The following PIK3C2G variants were observed in gnomAD, a reference collection of about 807,000 sequenced individuals.
The protein encoded by PIK3C2G is phosphatidylinositol 3-kinase C2 domain-containing subunit gamma.
Under a neutral mutation model 181.1 loss-of-function variants are expected in PIK3C2G, and 168 were observed. That is an observed-to-expected ratio of 0.93 (90% CI 0.82 to 1.05). The LOEUF is 1.05. Among genes scored for constraint, PIK3C2G ranks in the 50% least tolerant of loss-of-function variants. The pLI is 0.00. For missense variants in PIK3C2G, 1,869 were observed against 1,732.8 expected (o/e 1.08, Z -1.40); for synonymous variants, 573 against 592.2 (o/e 0.97, Z 0.47).
At chr12:18,309,128 G>A (rs1207201529) in intron 5 of PIK3C2G, among the ~76,000 whole-genome samples, 1 of 92,626 alleles carries the variant, frequency 1.1e-5, no homozygotes, top group African/African-American at 3.5e-5. Context: ...GATACAATGT[G>A]GAATATAAAA....
intron 16 of PIK3C2G, among the ~76,000 whole-genome samples, chr12:18,412,655 A>C (rs747124429): frequency 6.2e-4 from 94 of 152,226 alleles, no homozygotes; most frequent in Non-Finnish European, 3.4e-4. Context: ...GAATTGATAA[A>C]TATTTCTTAA....
the PIK3C2G span, among the ~76,000 whole-genome samples, chr12:18,711,531 T>TAATAAC: frequency 4.9e-3 from 712 of 145,348 alleles, 2 homozygotes; most frequent in African/African-American, 0.017. Flanking sequence ...ACTTAAAGTA[T>TAATAAC]AATAATAATA....
At chr12:18,656,440 C>T in the PIK3C2G span, among the ~76,000 whole-genome samples, 3 of 152,116 alleles carry the variant, frequency 2.0e-5, no homozygotes, top group East Asian at 5.8e-4. Context: ...GTGGCGGGCG[C>T]CTGTAATCCC....
intron 15 of PIK3C2G, among the ~76,000 whole-genome samples, chr12:18,393,903 G>C (rs1943700292): frequency 6.6e-6 from 1 of 152,096 alleles, no homozygotes; most frequent in Admixed American, 6.6e-5. Flanking sequence ...GTGATGCTGA[G>C]GCAGCTGGCA....
intron 27 of PIK3C2G, 68 bp downstream of exon 27, chr12:18,562,960 G>T: frequency 1.0e-6 from 1 of 1,003,420 alleles, no homozygotes; most frequent in Non-Finnish European, 1.5e-6. Context: ...TCTTCACTAT[G>T]CTACACAGCC....
At chr12:18,438,332 TTCTC>T (rs1195479127) in intron 18 of PIK3C2G, among the ~76,000 whole-genome samples, 1 of 151,850 alleles carries the variant, frequency 6.6e-6, no homozygotes, top group Non-Finnish European at 1.5e-5. Flanking sequence ...TTGCTGTTCT[TTCTC>T]TGCTATAAAG....
chr12:18,532,414 A>T (rs1199760151), intron 24 of PIK3C2G, among the ~76,000 whole-genome samples: 1 of 152,090 alleles, frequency 6.6e-6, no homozygotes, highest in Non-Finnish European at 1.5e-5. Context: ...AATGTAAAAG[A>T]CTTTCTCCTT....
chr12:18,319,932 A>T (rs1018493916), intron 6 of PIK3C2G: 10 of 152,176 alleles, frequency 6.6e-5, no homozygotes, highest in Admixed American at 2.6e-4. Flanking sequence ...GTCATTCTAC[A>T]TAGTGTTTCT....
Position 18,560,371 on chromosome 12 carries a change from A to G in PIK3C2G, c.3591-2332A>G, listed in dbSNP as rs144917796. ...CATGCCCACCAAAAAGATAAACTGT[A>G]TCCTTATATTTAATTGAGATAAAAG... is the stretch of plus-strand genomic sequence containing the variant. On this transcript the variant is annotated intron_variant, in intron 26 of 32. Transcript: ENST00000538779. Among the ~76,000 whole-genome samples the G allele has an allele frequency of 3.3e-5, 5 of 152,282 alleles. No individual in the cohort carries two copies. In the East Asian group the frequency reaches 9.6e-4, roughly 29 times the overall value.
At chr12:18,267,285 A>G (rs1948542649) in intron 1 of PIK3C2G, among the ~76,000 whole-genome samples, 1 of 151,908 alleles carries the variant, frequency 6.6e-6, no homozygotes, top group Admixed American at 6.6e-5. Flanking sequence ...TCTCTCTCTT[A>G]CCCAATTTCT....
At chr12:18,299,061 G>C (rs540555684) in intron 5 of PIK3C2G, among the ~76,000 whole-genome samples, 7 of 151,824 alleles carry the variant, frequency 4.6e-5, no homozygotes, top group Admixed American at 1.3e-4. Flanking sequence ...CAAATTTTTG[G>C]ATTCTTTTTC....
intron 11 of PIK3C2G, among the ~76,000 whole-genome samples, 194 bp from the exon 12 acceptor site, chr12:18,362,570 G>T (rs1046101067): frequency 1.3e-5 from 2 of 152,168 alleles, no homozygotes; most frequent in African/African-American, 4.8e-5. Flanking sequence ...AATAAAGGAA[G>T]GTCTTAGGGC....
At chr12:18,683,082 T>A in the PIK3C2G span, 7 of 693,896 alleles carry the variant, frequency 1.0e-5, no homozygotes, top group Non-Finnish European at 1.7e-5. Flanking sequence ...TTTCTTCCAC[T>A]GATTTATTTT....
chr12:18,299,698 G>C (rs1444842994), intron 5 of PIK3C2G, among the ~76,000 whole-genome samples: 1 of 151,658 alleles, frequency 6.6e-6, no homozygotes, highest in Non-Finnish European at 1.5e-5. Flanking sequence ...ATTATGTTGA[G>C]GTATGTTATA....
intron 4 of PIK3C2G, among the ~76,000 whole-genome samples, chr12:18,291,426 C>CT: frequency 6.6e-6 from 1 of 152,222 alleles, no homozygotes; most frequent in Admixed American, 6.5e-5. Flanking sequence ...CACAGAATCT[C>CT]TATTTCCTTA....
upstream of PIK3C2G, among the ~76,000 whole-genome samples, chr12:18,245,984 G>A (rs1382629821): frequency 1.3e-5 from 2 of 152,024 alleles, no homozygotes; most frequent in African/African-American, 4.8e-5. Flanking sequence ...AAAATTTTTG[G>A]TAGCTTATCA....
intron 24 of PIK3C2G, among the ~76,000 whole-genome samples, chr12:18,537,045 T>C (rs1166408313): frequency 2.0e-5 from 3 of 152,004 alleles, no homozygotes; most frequent in African/African-American, 7.2e-5. Context: ...ATTTTAAAGA[T>C]TTTGCCTGCA....
intron 14 of PIK3C2G, among the ~76,000 whole-genome samples, chr12:18,385,068 A>G (rs887264961): frequency 3.3e-5 from 5 of 152,170 alleles, no homozygotes; most frequent in African/African-American, 4.8e-5. Flanking sequence ...GGGAGTTAGT[A>G]TGAGTCTCGG....
intron 18 of PIK3C2G, among the ~76,000 whole-genome samples, chr12:18,438,767 A>G (rs1360540185): frequency 6.6e-6 from 1 of 151,912 alleles, no homozygotes; most frequent in African/African-American, 2.4e-5. Flanking sequence ...TTGAAGAAAA[A>G]TTTCAACTCA....
Sources: gnomAD v4.1 joint callset for allele counts (sites outside exome capture counted in the v4.1 genomes callset) on GRCh38, gnomAD v4.1.1 for gene constraint, MANE v1.5 for transcripts, NCBI Gene and HGNC (gene_info 2026-07-23, HGNC 2026-07-21) for gene names.